NIM1K: variants seen among roughly 807,000 people sequenced by gnomAD.
NIM1K encodes the protein NIM1 serine/threonine protein kinase.
A neutral mutation model predicts 37.1 loss-of-function variants in NIM1K; 35 were observed. The observed-to-expected ratio is 0.94, with a 90% CI of 0.72 to 1.25. The LOEUF (loss-of-function observed/expected upper bound fraction) is 1.25. NIM1K is among the 50% of genes most tolerant of loss of function. NIM1K has a pLI of 0.00. For missense variants in NIM1K, 564 were observed against 548.0 expected (o/e 1.03, Z -0.29); for synonymous variants, 234 against 206.6 (o/e 1.13, Z -1.14).
At chr5:43,215,427 A>G (rs1290963599) in intron 1 of NIM1K, among the ~76,000 whole-genome samples, 1 of 152,064 alleles carries the variant, frequency 6.6e-6, no homozygotes, top group African/African-American at 2.4e-5. Context: ...TTAGCCAGCA[A>G]AAGGCCCATC....
intron 1 of NIM1K, among the ~76,000 whole-genome samples, chr5:43,214,358 A>G (rs1414557538): frequency 6.6e-6 from 1 of 152,192 alleles, no homozygotes; most frequent in African/African-American, 2.4e-5. Context: ...TAAACTTGAA[A>G]GAACTTGAAT....
intron 1 of NIM1K, among the ~76,000 whole-genome samples, chr5:43,226,047 G>C (rs182459100): frequency 6.6e-6 from 1 of 152,328 alleles, no homozygotes; most frequent in Admixed American, 6.5e-5. Flanking sequence ...TTTGCAGAAC[G>C]TAGGAGCATG....
At chr5:43,206,622 C>T in intron 1 of NIM1K, 1 of 654,080 alleles carries the variant, frequency 1.5e-6, no homozygotes. Context: ...CTCCCTGGTG[C>T]AGCGCACTCC....
At chr5:43,260,405 A>G (rs1039731203) in intron 2 of NIM1K, among the ~76,000 whole-genome samples, 6 of 152,054 alleles carry the variant, frequency 3.9e-5, no homozygotes, top group African/African-American at 1.5e-4. Context: ...TGTTCCTTCT[A>G]TGCCTAGTTT....
intron 3 of NIM1K, among the ~76,000 whole-genome samples, chr5:43,278,193 G>A (rs1053899731): frequency 1.3e-5 from 2 of 151,904 alleles, no homozygotes; most frequent in Non-Finnish European, 2.9e-5. Flanking sequence ...TTACAGGCAT[G>A]TGCCACCATG....
chr5:43,258,887 T>C (rs1012330754), intron 2 of NIM1K, among the ~76,000 whole-genome samples: 9 of 152,144 alleles, frequency 5.9e-5, no homozygotes, highest in African/African-American at 2.2e-4. Flanking sequence ...GTAGTGTACA[T>C]TGTACCCAAT....
intron 1 of NIM1K, among the ~76,000 whole-genome samples, chr5:43,213,656 G>T (rs112922355): frequency 6.6e-6 from 1 of 152,116 alleles, no homozygotes; most frequent in Non-Finnish European, 1.5e-5. Flanking sequence ...ACCACGCCCG[G>T]CTTATTTTTG....
intron 2 of NIM1K, among the ~76,000 whole-genome samples, chr5:43,249,235 A>G (rs1445960111): frequency 1.3e-5 from 2 of 151,682 alleles, no homozygotes; most frequent in Non-Finnish European, 2.9e-5. Flanking sequence ...ACGCCCGGCT[A>G]ATTTTTTGTA....
chr5:43,275,123 CTGTGA>C (rs1459466056), intron 2 of NIM1K, among the ~76,000 whole-genome samples: 1 of 152,204 alleles, frequency 6.6e-6, no homozygotes, highest in Non-Finnish European at 1.5e-5. Context: ...GGAAAACCAT[CTGTGA>C]TCTGCCAATT....
In NIM1K at chr5:43,213,238, C is replaced by G. The variant is rs1375305311; in HGVS notation, c.-695+20827C>G. Among the ~76,000 whole-genome samples, 287 of 114,710 alleles carry G rather than the reference C, an allele frequency of 2.5e-3. 27 individuals carry two copies. The highest frequency in any genetic ancestry group is 8.0e-3 in the African/African-American group (236 of 29,356). The allele number at this position is 114,710 out of a possible 152,430, so 75.3% of individuals were successfully genotyped here. On this transcript the variant is annotated intron_variant, in intron 1 of 3. Transcript: ENST00000326035. ...CTTTCTTTCTTTCCTTCTTTTCTTC[C>G]TTTCTTTCTTTCTTGTTCTTTCTTG...
At chr5:43,270,904 C>G (rs1319267178) in intron 2 of NIM1K, among the ~76,000 whole-genome samples, 1 of 152,178 alleles carries the variant, frequency 6.6e-6, no homozygotes, top group Non-Finnish European at 1.5e-5. Context: ...TTTTCCTCAA[C>G]CCCTAACACC....
chr5:43,261,004 C>G (rs1003819265), intron 2 of NIM1K, among the ~76,000 whole-genome samples: 29 of 152,184 alleles, frequency 1.9e-4, no homozygotes, highest in Non-Finnish European at 3.4e-4. Context: ...TTAATCCAGT[C>G]TATCATTGGT....
intron 2 of NIM1K, 115 bp from the exon 3 acceptor site, chr5:43,276,942 A>T: frequency 9.7e-7 from 1 of 1,026,748 alleles, no homozygotes; most frequent in Non-Finnish European, 1.5e-6. Context: ...GAGCTCTCTC[A>T]GCTTGGGAAC....
At chr5:43,250,109 C>A (rs1244263006) in intron 2 of NIM1K, among the ~76,000 whole-genome samples, 1 of 152,040 alleles carries the variant, frequency 6.6e-6, no homozygotes, top group Admixed American at 6.5e-5. Context: ...GCCTCGGCCT[C>A]CCAAAGTGCT....
intron 1 of NIM1K, among the ~76,000 whole-genome samples, chr5:43,221,447 CAA>C (rs55658060): frequency 1.3e-3 from 156 of 124,104 alleles, no homozygotes; most frequent in African/African-American, 3.3e-3. Context: ...GAGACTGTCT[CAA>C]AAAAAAAAAA....
chr5:43,265,017 G>A (rs1753100576), intron 2 of NIM1K, among the ~76,000 whole-genome samples: 1 of 152,204 alleles, frequency 6.6e-6, no homozygotes, highest in Non-Finnish European at 1.5e-5. Flanking sequence ...TCCCTTTGCA[G>A]GTAACCCAAC....
At position 43,197,620 on chromosome 5, in the gene NIM1K, A is replaced by T. The variant is rs1360074085; in HGVS notation, c.-695+5209A>T. 2.6e-5 allele frequency among the ~76,000 whole-genome samples: 4 copies of T among 151,856 alleles called. 1 individual carries two copies. On this transcript the variant is annotated intron_variant, in intron 1 of 3. Coordinates refer to ENST00000326035, the MANE Select transcript of NIM1K (RefSeq NM_153361.4). ...AGAACACAGAGGTACTGATTTTTCC[A>T]CCCTTTATACTGCCTCAATTTCCAT...
At chr5:43,222,746 A>G (rs937274524) in intron 1 of NIM1K, among the ~76,000 whole-genome samples, 2 of 152,014 alleles carry the variant, frequency 1.3e-5, no homozygotes, top group African/African-American at 4.8e-5. Context: ...AAAAAAAAGA[A>G]AAAAGAAAAA....
chr5:43,193,668 T>C (rs1433724738), intron 1 of NIM1K: 1 of 152,240 alleles, frequency 6.6e-6, no homozygotes, highest in Non-Finnish European at 1.5e-5. Context: ...TGAATATTTG[T>C]TTATGGTAAT....
Sources: allele counts gnomAD v4.1 joint callset (sites outside exome capture counted in the v4.1 genomes callset), GRCh38; gene constraint gnomAD v4.1.1; transcripts MANE v1.5; gene names NCBI Gene and HGNC (gene_info 2026-07-23, HGNC 2026-07-21).